Variants in PCDHGA10 observed in about 807,000 individuals in gnomAD.
PCDHGA10 encodes protocadherin gamma-A10.
Under a neutral mutation model 59.5 loss-of-function variants are expected in PCDHGA10, and 42 were observed. The observed-to-expected ratio is 0.71, with a 90% CI of 0.55 to 0.91. The LOEUF (loss-of-function observed/expected upper bound fraction) is 0.91, where lower values mean the gene tolerates loss of function less well. Among genes scored for constraint, PCDHGA10 ranks in the 40% least tolerant of loss-of-function variants. PCDHGA10 has a pLI of 0.00. For synonymous variants in PCDHGA10, 511 were observed against 517.2 expected, an observed-to-expected ratio of 0.99 and a Z score of 0.16; for missense variants, 1,111 against 1,198.2, an observed-to-expected ratio of 0.93 and a Z score of 1.07.
intron 1 of PCDHGA10, among the ~76,000 whole-genome samples, chr5:141,470,385 T>C (rs1278833959): frequency 1.3e-5 from 2 of 152,206 alleles, no homozygotes; most frequent in Non-Finnish European, 2.9e-5. Flanking sequence ...GACTACTCGA[T>C]GATATTTAGG....
intron 1 of PCDHGA10, among the ~76,000 whole-genome samples, chr5:141,460,997 G>A (rs1322943324): frequency 3.4e-5 from 5 of 147,290 alleles, no homozygotes; most frequent in Admixed American, 1.4e-4. Flanking sequence ...ATATATATAT[G>A]TGTATATATA....
intron 1 of PCDHGA10, among the ~76,000 whole-genome samples, chr5:141,488,417 C>T (rs2099675171): frequency 6.6e-6 from 1 of 152,224 alleles, no homozygotes; most frequent in Non-Finnish European, 1.5e-5. Context: ...GCCAAGCCAT[C>T]CATGCTTGGC....
rs1212478322 is a variant in PCDHGA10 at position 141,485,871 on chromosome 5, T to G, written c.2437-8936T>G. ...ACCGCAGAGCTCCGGGTATCCGTGC[T>G]GGACGTAAACGACAACGCCCCAGCC... On this transcript the variant is annotated intron_variant, in intron 1 of 3. Coordinates refer to ENST00000398610, the MANE Select transcript of PCDHGA10 (RefSeq NM_018913.3). The surrounding 1 kb of genome is among the most constrained non-coding windows in gnomAD (Gnocchi z 5.7). 6.2e-7 allele frequency: 1 copy of G among 1,614,196 alleles called. No homozygotes were observed. The highest frequency in any genetic ancestry group is 8.5e-7 in the Non-Finnish European group (1 of 1,180,032).
At chr5:141,501,305 A>G (rs2099807563) in intron 2 of PCDHGA10, among the ~76,000 whole-genome samples, 1 of 151,322 alleles carries the variant, frequency 6.6e-6, no homozygotes, top group African/African-American at 2.4e-5. Flanking sequence ...ACACACACAC[A>G]CACACACACA....
chr5:141,425,482 C>G (rs1257043728), intron 1 of PCDHGA10, among the ~76,000 whole-genome samples: 1 of 152,192 alleles, frequency 6.6e-6, no homozygotes, highest in East Asian at 1.9e-4. Flanking sequence ...CCTATGGCAA[C>G]CTACTAGGCT....
intron 3 of PCDHGA10, among the ~76,000 whole-genome samples, chr5:141,509,700 TGGA>T (rs1407159498): frequency 6.6e-6 from 1 of 152,192 alleles, no homozygotes; most frequent in East Asian, 1.9e-4. Flanking sequence ...GACGTTGGAC[TGGA>T]GGTGCTGTCT....
chr5:141,459,232 G>C (rs1293027771), intron 1 of PCDHGA10, among the ~76,000 whole-genome samples: 1 of 152,152 alleles, frequency 6.6e-6, no homozygotes, highest in Non-Finnish European at 1.5e-5. Context: ...GCAACAACTG[G>C]TCTGCTTCCT....
intron 1 of PCDHGA10, among the ~76,000 whole-genome samples, chr5:141,436,896 A>C (rs567359498): frequency 6.6e-6 from 1 of 152,368 alleles, no homozygotes; most frequent in East Asian, 1.9e-4. Context: ...AAAGATTTTT[A>C]TATGAGACAA....
rs1315225126 is a variant in PCDHGA10 at position 141,487,926 on chromosome 5, A to G, written c.2437-6881A>G. The G allele has an allele frequency of 2.2e-5, 14 of 626,676 alleles. No individual in the cohort carries two copies. Among genetic ancestry groups the G allele is most frequent in the Non-Finnish European group, 3.9e-5 (14 of 359,988 alleles). The allele number at this position is 626,676 out of a possible 1,614,324, so 38.8% of individuals were successfully genotyped here. ...GTGGGAGCACAGGAGGCTACAGTGC[A>G]CAGGGTACAGTGCACCAGGCAGTCA... On this transcript the variant is annotated intron_variant, in intron 1 of 3. Coordinates refer to ENST00000398610, the MANE Select transcript of PCDHGA10 (RefSeq NM_018913.3). The surrounding 1 kb of genome is among the most constrained non-coding windows in gnomAD (Gnocchi z 5.0).
At position 141,493,482 on chromosome 5, in the gene PCDHGA10, G is replaced by A. The variant is rs184736387; in HGVS notation, c.2437-1325G>A. ...TTTTAGGACCTTACATGTGGGGAAA[G>A]TCTTCTGTGGCTCCTCATTTCTGAG... On this transcript the variant is annotated intron_variant, in intron 1 of 3. Coordinates refer to ENST00000398610, the MANE Select transcript of PCDHGA10 (RefSeq NM_018913.3). This position sits in a 1 kb window ranked among gnomAD's most constrained non-coding sequence, Gnocchi z 4.3. Among the ~76,000 whole-genome samples the A allele has an allele frequency of 1.5e-3, 229 of 152,324 alleles. No homozygotes were observed. Among genetic ancestry groups the A allele is most frequent in the Non-Finnish European group, 2.2e-3 (147 of 68,030 alleles).
In PCDHGA10 at chr5:141,512,494, C is replaced by T. The variant is rs2099884262; in HGVS notation, c.*1321C>T. The T allele has an allele frequency of 6.5e-6, 1 of 152,894 alleles. No individual in the cohort carries two copies. Among genetic ancestry groups the T allele is most frequent in the Admixed American group, 6.5e-5 (1 of 15,282 alleles). The allele number at this position is 152,894 out of a possible 1,614,324, so 9.5% of individuals were successfully genotyped here. Reference sequence around the variant, plus strand: ...CTTCCGTGAAGGCCACTGCCCAGGTCCCCAGTGCGCCCCCTAGTGGCCATA... The same window carrying T: ...CTTCCGTGAAGGCCACTGCCCAGGTTCCCAGTGCGCCCCCTAGTGGCCATA... On this transcript the variant is annotated 3_prime_UTR_variant, in exon 4 of 4. Transcript: ENST00000398610.
At position 141,477,131 on chromosome 5, in the gene PCDHGA10, TTGG is replaced by T; in HGVS notation, c.2437-17672_2437-17670del. 1 of 1,614,130 alleles carries T rather than the reference TTGG, an allele frequency of 6.2e-7. No individual in the cohort carries two copies. The highest frequency in any genetic ancestry group is 8.5e-7 in the Non-Finnish European group (1 of 1,180,014). On this transcript the variant is annotated intron_variant, in intron 1 of 3. Transcript: ENST00000398610. The surrounding 1 kb of genome is among the most constrained non-coding windows in gnomAD (Gnocchi z 4.9). The stretch of plus-strand genomic sequence containing the variant: ...TCCCGAAGGAGCACATTGCAAAGTG[TTGG>T]TGGAGGTTGTGGATGTGAATGACAA...
chr5:141,478,920 C>T lies in PCDHGA10; in HGVS notation c.2437-15887C>T, dbSNP rs559060283. On this transcript the variant is annotated intron_variant, in intron 1 of 3. Transcript: ENST00000398610. Reference sequence around the variant, plus strand: ...GGAATAAGCTGCTGGATACCTCTAACCAGTGGCAGCTTCTAGGAATACAAA... The same window carrying T: ...GGAATAAGCTGCTGGATACCTCTAATCAGTGGCAGCTTCTAGGAATACAAA... 608 of 728,392 alleles carry T rather than the reference C, an allele frequency of 8.3e-4. 2 individuals are homozygous for T. The highest frequency in any genetic ancestry group is 1.2e-3 in the South Asian group (55 of 44,196). 45.1% of individuals were successfully genotyped at this position (728,392 alleles called of 1,614,324 possible).
Position 141,431,420 on chromosome 5 carries a change from G to C in PCDHGA10, c.2436+15809G>C, listed in dbSNP as rs780266425. The C allele has an allele frequency of 8.1e-6, 13 of 1,613,592 alleles. No individual in the cohort carries two copies. Among genetic ancestry groups the C allele is most frequent in the East Asian group, 2.2e-5 (1 of 44,902 alleles). ...TACGGCCTCCGACGGGGGCGACCCG[G>C]TGCGCACAGGCACCGCGCGCATCCG... is the stretch of plus-strand genomic sequence containing the variant. On this transcript the variant is annotated intron_variant, in intron 1 of 3. Transcript: ENST00000398610. This position sits in a 1 kb window ranked among gnomAD's most constrained non-coding sequence, Gnocchi z 4.8.
chr5:141,457,504 A>G (rs2098922754), intron 1 of PCDHGA10, among the ~76,000 whole-genome samples: 1 of 152,222 alleles, frequency 6.6e-6, no homozygotes, highest in Non-Finnish European at 1.5e-5. Context: ...GTAGGCAAAA[A>G]GCTTAAAAAC....
intron 1 of PCDHGA10, among the ~76,000 whole-genome samples, chr5:141,448,287 C>G (rs1394399947): frequency 6.6e-6 from 1 of 152,130 alleles, no homozygotes; most frequent in Non-Finnish European, 1.5e-5. Flanking sequence ...GCAACTTGCT[C>G]TTTCCACTTA....
chr5:141,430,715 A>G (rs1210053402), intron 1 of PCDHGA10: 3 of 1,483,264 alleles, frequency 2.0e-6, no homozygotes, highest in East Asian at 4.7e-5. Context: ...TCCTGACTTC[A>G]GTGGTTAAGG....
intron 1 of PCDHGA10, among the ~76,000 whole-genome samples, chr5:141,444,253 C>T (rs2154560603): frequency 7.0e-6 from 1 of 142,690 alleles, no homozygotes; most frequent in South Asian, 2.3e-4. Flanking sequence ...CTCACTGCAA[C>T]CTCCGCCTCC....
At chr5:141,488,738 ATGCAGGAAGT>A (rs771423337) in intron 1 of PCDHGA10, among the ~76,000 whole-genome samples, 1 of 152,222 alleles carries the variant, frequency 6.6e-6, no homozygotes, top group Non-Finnish European at 1.5e-5. Flanking sequence ...TTCTGAAGTC[ATGCAGGAAGT>A]TGCTGGGACA....
Sources: allele counts gnomAD v4.1 joint callset (sites outside exome capture counted in the v4.1 genomes callset), GRCh38; gene constraint gnomAD v4.1.1; non-coding constraint Gnocchi (gnomAD v3.1); transcripts MANE v1.5; gene names NCBI Gene and HGNC (gene_info 2026-07-23, HGNC 2026-07-21).